Variants in RTN1 observed in about 807,000 individuals in gnomAD.
RTN1 encodes the protein reticulon-1.
A neutral mutation model predicts 65.5 loss-of-function variants in RTN1; 25 were observed. The observed-to-expected ratio is 0.38, with a 90% CI of 0.28 to 0.53. The LOEUF is 0.53. RTN1 is among the 20% of genes least tolerant of loss of function. The probability of loss-of-function intolerance (pLI) is 0.79; values close to 1 mark genes in which losing one functional copy is unlikely to be tolerated. For synonymous variants in RTN1, 471 were observed against 447.6 expected, an observed-to-expected ratio of 1.05 and a Z score of -0.66; for missense variants, 983 against 1,025.4, an observed-to-expected ratio of 0.96 and a Z score of 0.57.
intron 3 of RTN1, among the ~76,000 whole-genome samples, chr14:59,654,782 A>G (rs1469089809): frequency 6.6e-6 from 1 of 152,214 alleles, no homozygotes; most frequent in Non-Finnish European, 1.5e-5. Context: ...GAACAACAGT[A>G]TTAAACACTA....
chr14:59,703,331 T>C (rs1884220472), intron 3 of RTN1, among the ~76,000 whole-genome samples: 1 of 152,196 alleles, frequency 6.6e-6, no homozygotes, highest in African/African-American at 2.4e-5. Flanking sequence ...CCTTCATGAA[T>C]GGTTTAGCAC....
chr14:59,613,992 G>A (rs1882034923), intron 3 of RTN1, among the ~76,000 whole-genome samples: 1 of 152,120 alleles, frequency 6.6e-6, no homozygotes, highest in Admixed American at 6.5e-5. Context: ...GCTAATAGTA[G>A]TTATGGAGGG....
chr14:59,726,848 C>T (rs1884771380), intron 3 of RTN1, 71 bp downstream of exon 3: 3 of 1,359,396 alleles, frequency 2.2e-6, no homozygotes, highest in Admixed American at 2.2e-5. Flanking sequence ...GAGCCAGAAC[C>T]GCCCCTGCTG....
At chr14:59,600,795 C>G (rs1881555058) in intron 8 of RTN1, among the ~76,000 whole-genome samples, 1 of 152,144 alleles carries the variant, frequency 6.6e-6, no homozygotes, top group Non-Finnish European at 1.5e-5. Flanking sequence ...GGTAACATTT[C>G]CTTTCCATTC....
At chr14:59,753,238 T>C (rs958200918) in intron 1 of RTN1, among the ~76,000 whole-genome samples, 10 of 152,098 alleles carry the variant, frequency 6.6e-5, no homozygotes. Context: ...AGGCTATAAA[T>C]AGAATCAACA....
chr14:59,824,492 C>T (rs1212569823), intron 1 of RTN1, among the ~76,000 whole-genome samples: 1 of 152,082 alleles, frequency 6.6e-6, no homozygotes, highest in Non-Finnish European at 1.5e-5. Context: ...TAAAATTGCC[C>T]AAAAAGTGAT....
intron 1 of RTN1, among the ~76,000 whole-genome samples, chr14:59,761,359 T>C (rs1207454104): frequency 6.6e-6 from 1 of 152,140 alleles, no homozygotes; most frequent in Non-Finnish European, 1.5e-5. Context: ...AATGAATAAG[T>C]CTCATGAGAT....
chr14:59,833,329 T>C (rs2139643922), intron 1 of RTN1, among the ~76,000 whole-genome samples: 2 of 152,336 alleles, frequency 1.3e-5, no homozygotes, highest in South Asian at 4.1e-4. Context: ...GGGACATTTA[T>C]ATCCAAATGA....
At position 59,846,757 on chromosome 14, in the gene RTN1, C is replaced by T. The variant is rs2139658339; in HGVS notation, c.241+23633G>A. On this transcript the variant is annotated intron_variant, in intron 1 of 8. Coordinates refer to ENST00000267484, the MANE Select transcript of RTN1 (RefSeq NM_021136.3). The surrounding 1 kb of genome is among the most constrained non-coding windows in gnomAD (Gnocchi z 4.8). ...ACTTTGTGTAGTCTGGCTCCAAGTG[C>T]CCCTTGGTTCGTAGCCAGGTGTCCG... 6.6e-6 allele frequency among the ~76,000 whole-genome samples: 1 copy of T among 152,230 alleles called. No homozygotes were observed. Among genetic ancestry groups the T allele is most frequent in the African/African-American group, 2.4e-5 (1 of 41,536 alleles).
chr14:59,761,343 C>T (rs545490124), intron 1 of RTN1, among the ~76,000 whole-genome samples: 5 of 152,232 alleles, frequency 3.3e-5, no homozygotes, highest in South Asian at 2.1e-4. Context: ...GTACTGTTCT[C>T]GTGGTAATGA....
At chr14:59,804,156 C>T (rs1281519873) in intron 1 of RTN1, among the ~76,000 whole-genome samples, 1 of 152,182 alleles carries the variant, frequency 6.6e-6, no homozygotes, top group Admixed American at 6.5e-5. Context: ...TCTCCTTAGG[C>T]TTCTCTTGGC....
chr14:59,757,285 A>AT lies in RTN1; in HGVS notation c.242-10805dup, dbSNP rs768846643. Among the ~76,000 whole-genome samples, 12 of 152,238 alleles carry AT rather than the reference A, an allele frequency of 7.9e-5. No individual in the cohort carries two copies. The South Asian group carries it at 8.3e-4, about 11-fold the overall frequency. On this transcript the variant is annotated intron_variant, in intron 1 of 8. Coordinates refer to ENST00000267484, the MANE Select transcript of RTN1 (RefSeq NM_021136.3). ...GAATTGTAGCTCCCATGATTCCCAC[A>AT]TATTTGGGAGGGATCTGGTAGGAGA...
At chr14:59,830,097 G>A (rs577826571) in intron 1 of RTN1, among the ~76,000 whole-genome samples, 83 of 152,286 alleles carry the variant, frequency 5.5e-4, no homozygotes, top group African/African-American at 1.9e-3. Flanking sequence ...GAATAACTAC[G>A]TGGCCTTCTC....
At chr14:59,833,546 T>G (rs1887163398) in intron 1 of RTN1, among the ~76,000 whole-genome samples, 1 of 152,148 alleles carries the variant, frequency 6.6e-6, no homozygotes, top group Non-Finnish European at 1.5e-5. Flanking sequence ...CAACTTTTAT[T>G]TTATATTCAG....
chr14:59,730,056 T>C (rs762570181), intron 2 of RTN1, among the ~76,000 whole-genome samples: 1 of 152,234 alleles, frequency 6.6e-6, no homozygotes, highest in African/African-American at 2.4e-5. Context: ...TCGGTTTTCT[T>C]GGCCATCTTT....
At chr14:59,597,888 G>A (rs985987622) in intron 8 of RTN1, among the ~76,000 whole-genome samples, 11 of 152,148 alleles carry the variant, frequency 7.2e-5, no homozygotes, top group Non-Finnish European at 1.5e-4. Context: ...TGAGAAGCCC[G>A]TTTGCTTGGG....
intron 1 of RTN1, among the ~76,000 whole-genome samples, chr14:59,809,133 A>C (rs1020499701): frequency 6.6e-6 from 1 of 152,160 alleles, no homozygotes. Flanking sequence ...TAAGACTGTC[A>C]TAAGTCAGAT....
intron 1 of RTN1, among the ~76,000 whole-genome samples, chr14:59,820,196 G>C (rs1242905589): frequency 6.6e-6 from 1 of 151,664 alleles, no homozygotes; most frequent in Non-Finnish European, 1.5e-5. Context: ...GTCTTCTTTT[G>C]AGAAGTGTCT....
rs542473293 is a variant in RTN1 at position 59,756,777 on chromosome 14, A to AC, written c.242-10297dup. On this transcript the variant is annotated intron_variant, in intron 1 of 8. Coordinates refer to ENST00000267484, the MANE Select transcript of RTN1 (RefSeq NM_021136.3). ...CACTTTAATAGCTCTTTTGCTCCCC[A>AC]CCCCCCACACAGAATTATCTTTTGC... is the stretch of plus-strand genomic sequence containing the variant. Among the ~76,000 whole-genome samples the AC allele has an allele frequency of 7.0e-3, 779 of 110,568 alleles. 7 individuals are homozygous for AC. Among genetic ancestry groups the AC allele is most frequent in the African/African-American group, 0.024 (718 of 30,400 alleles). The allele number at this position is 110,568 out of a possible 152,430, so 72.5% of individuals were successfully genotyped here. A position where few individuals can be genotyped will look rare whatever the true frequency, so the allele number is the denominator to read the frequency against.
Sources: allele counts gnomAD v4.1 joint callset (sites outside exome capture counted in the v4.1 genomes callset), GRCh38; gene constraint gnomAD v4.1.1; non-coding constraint Gnocchi (gnomAD v3.1); transcripts MANE v1.5; gene names NCBI Gene and HGNC (gene_info 2026-07-23, HGNC 2026-07-21).